Variants in PRELID2 observed in about 807,000 individuals in gnomAD.
PRELID2 encodes PRELI domain containing 2, also known as PRELI domain-containing protein 2.
PRELID2 carries 25 observed loss-of-function variants against 28.4 expected under a neutral mutation model. The ratio of observed to expected loss-of-function variants is 0.88; its 90% CI spans 0.64 to 1.23. The LOEUF is 1.23. PRELID2 is among the 50% of genes most tolerant of loss of function. PRELID2 has a pLI of 0.00. For synonymous variants in PRELID2, 76 were observed against 71.6 expected, an observed-to-expected ratio of 1.06 and a Z score of -0.31; for missense variants, 201 against 214.4, an observed-to-expected ratio of 0.94 and a Z score of 0.39.
At chr5:145,541,834 A>G (rs977656448) in intron 1 of PRELID2, among the ~76,000 whole-genome samples, 6 of 151,908 alleles carry the variant, frequency 3.9e-5, no homozygotes, top group Non-Finnish European at 8.8e-5. Context: ...TTTCCTGTTT[A>G]TAATTTCCTA....
the PRELID2 span, among the ~76,000 whole-genome samples, chr5:145,394,038 C>G: frequency 9.2e-5 from 14 of 152,100 alleles, no homozygotes; most frequent in Admixed American, 3.3e-4. Flanking sequence ...CCTCAGGGAT[C>G]TAGAACTAGA....
chr5:145,273,957 C>T, the PRELID2 span, among the ~76,000 whole-genome samples: 149 of 152,204 alleles, frequency 9.8e-4, no homozygotes, highest in Middle Eastern at 0.017. Context: ...TAGAAGAATA[C>T]TGCAGTGGCT....
At chr5:145,713,864 C>G (rs1408847263) in intron 1 of PRELID2, among the ~76,000 whole-genome samples, 1 of 150,506 alleles carries the variant, frequency 6.6e-6, no homozygotes, top group African/African-American at 2.4e-5. Flanking sequence ...TTTTAAAGTG[C>G]TGAAAGAGGG....
chr5:145,799,837 T>C (rs1383957266), intron 4 of PRELID2, among the ~76,000 whole-genome samples: 1 of 152,212 alleles, frequency 6.6e-6, no homozygotes, highest in East Asian at 1.9e-4. Flanking sequence ...TATAGATTAA[T>C]AGTCACATCT....
the PRELID2 span, among the ~76,000 whole-genome samples, chr5:145,399,283 C>T: frequency 0.26 from 39,576 of 151,864 alleles, 5,527 homozygotes; most frequent in East Asian, 0.58. Context: ...GGTTGGAAAT[C>T]CAGCATCAAA....
At chr5:145,790,607 T>A (rs1048174500) in intron 5 of PRELID2, among the ~76,000 whole-genome samples, 4 of 151,444 alleles carry the variant, frequency 2.6e-5, no homozygotes, top group Non-Finnish European at 5.9e-5. Flanking sequence ...AATTTCAAAA[T>A]TGCTAAGAGT....
At chr5:145,405,699 G>GTTTTTTTT in the PRELID2 span, among the ~76,000 whole-genome samples, 1 of 45,992 alleles carries the variant, frequency 2.2e-5, no homozygotes, top group Non-Finnish European at 4.8e-5. Context: ...GTACCACATA[G>GTTTTTTTT]TTGTTTTTTT....
the PRELID2 span, among the ~76,000 whole-genome samples, chr5:145,384,099 A>G: frequency 6.6e-6 from 1 of 152,158 alleles, no homozygotes; most frequent in South Asian, 2.1e-4. Flanking sequence ...GAAAGTGAGA[A>G]CCACAATGAT....
intron 1 of PRELID2, among the ~76,000 whole-genome samples, chr5:145,597,314 A>G (rs1469371209): frequency 1.3e-5 from 2 of 152,160 alleles, no homozygotes; most frequent in Non-Finnish European, 2.9e-5. Flanking sequence ...GGTAGTACCC[A>G]GTCTTACCTA....
chr5:145,412,961 A>C, the PRELID2 span, among the ~76,000 whole-genome samples: 6 of 152,162 alleles, frequency 3.9e-5, no homozygotes, highest in African/African-American at 1.4e-4. Flanking sequence ...CACTATCATG[A>C]GAACCGCATG....
the PRELID2 span, among the ~76,000 whole-genome samples, chr5:145,387,601 G>A: frequency 1.3e-5 from 2 of 151,922 alleles, no homozygotes; most frequent in Non-Finnish European, 2.9e-5. Context: ...GTACTTTTTT[G>A]ACCATACATG....
the PRELID2 span, among the ~76,000 whole-genome samples, chr5:145,262,121 TG>T: frequency 6.6e-6 from 1 of 152,152 alleles, no homozygotes. Context: ...GACAAGGCTT[TG>T]GAATTAACCC....
chr5:145,672,581 T>C (rs1561539737), intron 1 of PRELID2, among the ~76,000 whole-genome samples: 1 of 151,796 alleles, frequency 6.6e-6, no homozygotes, highest in South Asian at 2.1e-4. Flanking sequence ...CTCTCATCTC[T>C]TCATCATGTA....
intron 1 of PRELID2, among the ~76,000 whole-genome samples, chr5:145,585,582 A>T (rs1033398316): frequency 6.6e-6 from 1 of 152,168 alleles, no homozygotes; most frequent in Non-Finnish European, 1.5e-5. Flanking sequence ...ATAATCGTCC[A>T]TACCTCACAG....
the PRELID2 span, among the ~76,000 whole-genome samples, chr5:145,326,052 A>G: frequency 2.0e-5 from 3 of 152,186 alleles, no homozygotes; most frequent in East Asian, 5.8e-4. Context: ...TCTGTTGCCC[A>G]GGTTGGAGTA....
At chr5:145,428,880 A>C in the PRELID2 span, among the ~76,000 whole-genome samples, 2 of 152,258 alleles carry the variant, frequency 1.3e-5, no homozygotes, top group South Asian at 4.1e-4. Context: ...GCCCCCAGGC[A>C]GGTGCATGCT....
intron 1 of PRELID2, among the ~76,000 whole-genome samples, chr5:145,834,407 G>C (rs1755798926): frequency 6.6e-6 from 1 of 152,096 alleles, no homozygotes; most frequent in African/African-American, 2.4e-5. Context: ...ACAATGTACA[G>C]ACAATCAATA....
the PRELID2 span, among the ~76,000 whole-genome samples, chr5:145,232,931 G>T: frequency 6.6e-6 from 1 of 151,074 alleles, no homozygotes; most frequent in African/African-American, 2.4e-5. Flanking sequence ...TATTCTACAA[G>T]TTTCCATTGG....
At chr5:145,765,965 A>G (rs1273997155) in intron 5 of PRELID2, among the ~76,000 whole-genome samples, 1 of 152,196 alleles carries the variant, frequency 6.6e-6, no homozygotes, top group African/African-American at 2.4e-5. Flanking sequence ...AAAGGCCTCC[A>G]TGAACCTTCT....
Sources: gnomAD v4.1 joint callset for allele counts (sites outside exome capture counted in the v4.1 genomes callset) on GRCh38, gnomAD v4.1.1 for gene constraint, MANE v1.5 for transcripts, NCBI Gene and HGNC (gene_info 2026-07-23, HGNC 2026-07-21) for gene names.